The following BMERB1 variants were observed in gnomAD, a reference collection of about 807,000 sequenced individuals.
The protein encoded by BMERB1 is bMERB domain containing 1.
Under a neutral mutation model 23.6 loss-of-function variants are expected in BMERB1, and 12 were observed. The observed-to-expected ratio is 0.51, with a 90% confidence interval of 0.33 to 0.82. BMERB1 has a LOEUF of 0.82. Ranked by LOEUF, BMERB1 falls within the 40% of genes least tolerant of loss-of-function variation. BMERB1 has a pLI of 0.03. For synonymous variants in BMERB1, 122 were observed against 96.6 expected, an observed-to-expected ratio of 1.26 and a Z score of -1.54; for missense variants, 247 against 255.4, an observed-to-expected ratio of 0.97 and a Z score of 0.22.
intron 1 of BMERB1, among the ~76,000 whole-genome samples, chr16:15,449,831 C>T (rs577011918): frequency 1.8e-4 from 28 of 152,082 alleles, no homozygotes; most frequent in Middle Eastern, 3.4e-3. Flanking sequence ...CAGGCATGAA[C>T]CACTGCACCC....
chr16:15,434,610 A>T lies in BMERB1; in HGVS notation c.-44A>T, dbSNP rs1337481533. 1 of 1,526,420 alleles carries T rather than the reference A, an allele frequency of 6.6e-7. No individual in the cohort carries two copies. Among genetic ancestry groups the T allele is most frequent in the African/African-American group, 1.4e-5 (1 of 73,150 alleles). The allele number at this position is 1,526,420 out of a possible 1,614,324, so 94.6% of individuals were successfully genotyped here. The stretch of plus-strand genomic sequence containing the variant: ...TCCCTCCCTGCAGCCCGCAACGGGA[A>T]TGGAGTAAAGGGAGACCCGTCGACC... On this transcript the variant is annotated 5_prime_UTR_variant, in exon 1 of 6. The change abolishes an upstream ATG in the 5' untranslated region. Transcript: ENST00000300006.
rs143402956 is a variant in BMERB1, at chr16:15,488,760, G to A, written c.107-26545G>A. On this transcript the variant is annotated intron_variant, in intron 1 of 5. Transcript: ENST00000300006. Reference sequence around the variant, plus strand: ...CCGGAGGCTGAGGCAGGAGAATGGCGTGAACCGAGATCGCGCCACTGCACT... The same window carrying A: ...CCGGAGGCTGAGGCAGGAGAATGGCATGAACCGAGATCGCGCCACTGCACT... Among the ~76,000 whole-genome samples, 334 of 150,494 alleles carry A rather than the reference G, an allele frequency of 2.2e-3. 5 individuals carry two copies. In the East Asian group the frequency reaches 0.045, roughly 20 times the overall value.
intron 1 of BMERB1, among the ~76,000 whole-genome samples, chr16:15,505,128 C>G (rs2051573311): frequency 6.6e-6 from 1 of 152,164 alleles, no homozygotes; most frequent in African/African-American, 2.4e-5. Flanking sequence ...CCACATCTTG[C>G]CAAGTCATTT....
intron 1 of BMERB1, among the ~76,000 whole-genome samples, chr16:15,493,385 C>T (rs1192977090): frequency 6.6e-6 from 1 of 152,048 alleles, no homozygotes; most frequent in Non-Finnish European, 1.5e-5. Flanking sequence ...GCACTGTCCT[C>T]GATGGGATCC....
intron 1 of BMERB1, among the ~76,000 whole-genome samples, chr16:15,512,094 A>T (rs535886164): frequency 6.6e-6 from 1 of 151,606 alleles, no homozygotes; most frequent in African/African-American, 2.4e-5. Context: ...TGTGAGAATC[A>T]ACTCCAGAGA....
intron 1 of BMERB1, among the ~76,000 whole-genome samples, chr16:15,447,179 C>T (rs2050997226): frequency 6.6e-6 from 1 of 152,182 alleles, no homozygotes; most frequent in African/African-American, 2.4e-5. Flanking sequence ...AAGATACTAC[C>T]TGAGACTGAG....
At chr16:15,566,892 A>G (rs1398622017) in intron 2 of BMERB1, among the ~76,000 whole-genome samples, 2 of 151,842 alleles carry the variant, frequency 1.3e-5, no homozygotes, top group Admixed American at 6.6e-5. Flanking sequence ...TTTTTTTTAA[A>G]TCTGGAGGAG....
At chr16:15,533,850 G>A (rs1403449299) in intron 2 of BMERB1, among the ~76,000 whole-genome samples, 4 of 152,106 alleles carry the variant, frequency 2.6e-5, no homozygotes, top group Admixed American at 2.0e-4. Context: ...GTTGCACCTT[G>A]TTCAACCCTG....
intron 1 of BMERB1, among the ~76,000 whole-genome samples, chr16:15,483,562 TA>T (rs1304736078): frequency 2.0e-5 from 3 of 152,050 alleles, no homozygotes; most frequent in Non-Finnish European, 2.9e-5. Context: ...GTAGTTTTAT[TA>T]GAGATGAGGT....
At chr16:15,436,242 ACT>A (rs1375102381) in intron 1 of BMERB1, among the ~76,000 whole-genome samples, 1 of 145,012 alleles carries the variant, frequency 6.9e-6, no homozygotes, top group Non-Finnish European at 1.5e-5. Context: ...GACTAATTAT[ACT>A]CTTTTAGTTT....
At chr16:15,478,245 C>T (rs1390123555) in intron 1 of BMERB1, among the ~76,000 whole-genome samples, 1 of 152,044 alleles carries the variant, frequency 6.6e-6, no homozygotes, top group African/African-American at 2.4e-5. Flanking sequence ...GCAGCCTCTG[C>T]CTCTCCCGGG....
chr16:15,502,489 G>A (rs2051540672), intron 1 of BMERB1: 3 of 916,992 alleles, frequency 3.3e-6, no homozygotes, highest in Admixed American at 2.1e-5. Context: ...TTTGGGAAAC[G>A]GTGACTCATT....
rs184290820 is a variant in BMERB1 at position 15,438,737 on chromosome 16, G to A, written c.106+3978G>A. On this transcript the variant is annotated intron_variant, in intron 1 of 5. Transcript: ENST00000300006. ...GGCCTCCCAAAGGGCCGTGATTACA[G>A]ATGTGAGCTACCATGCCTGGGCCTG... Among the ~76,000 whole-genome samples, 550 of 152,332 alleles carry A rather than the reference G, an allele frequency of 3.6e-3. 4 individuals carry two copies. The highest frequency in any genetic ancestry group is 0.013 in the African/African-American group (524 of 41,582).
At chr16:15,449,846 T>C (rs1339260606) in intron 1 of BMERB1, among the ~76,000 whole-genome samples, 5 of 151,848 alleles carry the variant, frequency 3.3e-5, no homozygotes, top group Admixed American at 2.6e-4. Context: ...GCACCCAGCC[T>C]ACTTTATTTT....
chr16:15,529,618 T>C (rs1179838406), intron 2 of BMERB1, among the ~76,000 whole-genome samples: 2 of 152,170 alleles, frequency 1.3e-5, no homozygotes, highest in African/African-American at 4.8e-5. Flanking sequence ...CTCCCAAAAA[T>C]GTTGACGGTA....
At chr16:15,528,643 C>T (rs757680348) in intron 2 of BMERB1, among the ~76,000 whole-genome samples, 1 of 151,840 alleles carries the variant, frequency 6.6e-6, no homozygotes, top group African/African-American at 2.4e-5. Flanking sequence ...ACCAGGTCCC[C>T]TCCTGCCGTG....
chr16:15,575,112 G>C (rs1322169879), intron 3 of BMERB1, among the ~76,000 whole-genome samples: 1 of 152,052 alleles, frequency 6.6e-6, no homozygotes, highest in Admixed American at 6.6e-5. Context: ...ATAAAAATCG[G>C]GGGTCAGCAG....
intron 1 of BMERB1, among the ~76,000 whole-genome samples, chr16:15,451,046 G>A (rs2051037033): frequency 6.6e-6 from 1 of 152,128 alleles, no homozygotes; most frequent in Non-Finnish European, 1.5e-5. Context: ...AAAGCCTCAT[G>A]CATGAAACTT....
intron 1 of BMERB1, among the ~76,000 whole-genome samples, chr16:15,464,778 A>T (rs2051167530): frequency 6.6e-6 from 1 of 152,134 alleles, no homozygotes; most frequent in Non-Finnish European, 1.5e-5. Context: ...GTCACTTCTG[A>T]CACCATCTTG....
Sources: allele counts gnomAD v4.1 joint callset (sites outside exome capture counted in the v4.1 genomes callset), GRCh38; gene constraint gnomAD v4.1.1; transcripts MANE v1.5; gene names NCBI Gene and HGNC (gene_info 2026-07-23, HGNC 2026-07-21).